PAK2: variants seen among roughly 807,000 people sequenced by gnomAD.
The protein encoded by PAK2 is serine/threonine-protein kinase PAK 2.
PAK2 carries 21 observed loss-of-function variants against 65.9 expected under a neutral mutation model. The observed-to-expected ratio is 0.32, with a 90% CI of 0.23 to 0.46. The LOEUF (loss-of-function observed/expected upper bound fraction) is 0.46. Ranked by LOEUF, PAK2 falls within the 20% of genes least tolerant of loss-of-function variation. PAK2 has a pLI of 1.00. For missense variants in PAK2, 324 were observed against 642.6 expected, an observed-to-expected ratio of 0.50 and a Z score of 5.36; for synonymous variants, 204 against 219.7, an observed-to-expected ratio of 0.93 and a Z score of 0.63.
At chr3:196,742,262 A>G (rs1713222835) in intron 1 of PAK2, among the ~76,000 whole-genome samples, 1 of 151,892 alleles carries the variant, frequency 6.6e-6, no homozygotes, top group Non-Finnish European at 1.5e-5. Context: ...CTAATTTTGT[A>G]TTTTTAGTAG....
rs981502156 is a variant in PAK2 at position 196,803,634 on chromosome 3, T to C, written c.436+470T>C. ...TGTGCAGATAATAGAATATATGTAT[T>C]TTAATATATAAAACAGATAAATCAT... is the stretch of plus-strand genomic sequence containing the variant. On this transcript the variant is annotated intron_variant, in intron 4 of 14. Transcript: ENST00000327134. 2.0e-5 allele frequency among the ~76,000 whole-genome samples: 3 copies of C among 152,232 alleles called. No homozygotes were observed. In the South Asian group the frequency reaches 6.2e-4, roughly 31 times the overall value.
At chr3:196,769,880 A>G (rs1268125688) in intron 1 of PAK2, among the ~76,000 whole-genome samples, 1 of 152,028 alleles carries the variant, frequency 6.6e-6, no homozygotes, top group African/African-American at 2.4e-5. Context: ...TGCATGTTGC[A>G]CTTTGCCCCG....
At chr3:196,811,460 C>A (rs1183731594) in intron 8 of PAK2, among the ~76,000 whole-genome samples, 10 of 126,108 alleles carry the variant, frequency 7.9e-5, no homozygotes, top group Non-Finnish European at 1.6e-4. Context: ...CAGCTCACTG[C>A]AACCTCTGCC....
chr3:196,759,495 TTTG>T lies in PAK2; in HGVS notation c.-22+19341_-22+19343del, dbSNP rs1393279072. On this transcript the variant is annotated intron_variant, in intron 1 of 14. Coordinates refer to ENST00000327134, the MANE Select transcript of PAK2 (RefSeq NM_002577.4). The stretch of plus-strand genomic sequence containing the variant: ...TAAGGTATACAGTTAAGTGGTTTTT[TTTG>T]TTTTTTTTTTTTTTTTTTTTTTTTT... Among the ~76,000 whole-genome samples, 101 of 106,890 alleles carry T rather than the reference TTTG, an allele frequency of 9.4e-4. 2 individuals carry two copies. The highest frequency in any genetic ancestry group is 4.1e-3 in the Middle Eastern group (1 of 242). 70.1% of individuals were successfully genotyped at this position (106,890 alleles called of 152,430 possible).
chr3:196,757,535 C>T (rs959312032), intron 1 of PAK2, among the ~76,000 whole-genome samples: 7 of 152,080 alleles, frequency 4.6e-5, no homozygotes, highest in Non-Finnish European at 8.8e-5. Flanking sequence ...AGACCTTATT[C>T]TGGTTTGAGG....
intron 13 of PAK2, among the ~76,000 whole-genome samples, chr3:196,824,959 A>T (rs961151916): frequency 6.6e-6 from 1 of 152,182 alleles, no homozygotes; most frequent in African/African-American, 2.4e-5. Context: ...ACAATAATAA[A>T]ACTCCACATT....
At chr3:196,787,727 CAG>C (rs1256786678) in intron 2 of PAK2, among the ~76,000 whole-genome samples, 3 of 152,176 alleles carry the variant, frequency 2.0e-5, no homozygotes, top group African/African-American at 7.2e-5. Context: ...TTTTCAGTCT[CAG>C]AGAGACAGAG....
intron 1 of PAK2, among the ~76,000 whole-genome samples, chr3:196,766,516 G>A (rs764235523): frequency 6.6e-6 from 1 of 152,088 alleles, no homozygotes; most frequent in Admixed American, 6.6e-5. Context: ...TGCATATGTC[G>A]TCTACAAAGC....
At chr3:196,766,978 T>G (rs1389563574) in intron 1 of PAK2, among the ~76,000 whole-genome samples, 1 of 100,738 alleles carries the variant, frequency 9.9e-6, no homozygotes, top group Non-Finnish European at 2.2e-5. Context: ...GTGTGTGTAT[T>G]GATACACCTT....
intron 8 of PAK2, among the ~76,000 whole-genome samples, chr3:196,811,272 TC>T (rs1715797019): frequency 7.5e-5 from 1 of 13,384 alleles, no homozygotes; most frequent in African/African-American, 2.3e-4. Context: ...TTCCTTCCCT[TC>T]CCTCCCTTCC....
At chr3:196,809,037 G>C (rs150523512) in intron 7 of PAK2, among the ~76,000 whole-genome samples, 1 of 151,266 alleles carries the variant, frequency 6.6e-6, no homozygotes, top group Non-Finnish European at 1.5e-5. Context: ...AGGAGTTCAA[G>C]GCCGAACTAT....
In PAK2 at chr3:196,827,268, G is replaced by T. The variant is rs1711909685; in HGVS notation, c.1423G>T (p.Asp475Tyr). 1 of 1,612,824 alleles carries T rather than the reference G, an allele frequency of 6.2e-7. No homozygotes were observed. The highest frequency in any genetic ancestry group is 8.5e-7 in the Non-Finnish European group (1 of 1,178,956). Residue 475 changes from aspartate (D) to tyrosine (Y), a missense_variant, in exon 14 of 15, where the codon GAT becomes TAT. Physicochemically the swap from Asp to Tyr is radical, Grantham distance 160 (BLOSUM62 -3). Transcript: ENST00000327134. ...AGAGAAACTTTCCCCAATATTTCGG[G>T]ATTTCTTAAATCGATGTTTGGAAAT... ...NPEKLSPIFR[D>Y]FLNRCLEMDV... is the part of the protein sequence containing the mutation.
chr3:196,750,814 GTTATT>G (rs1045675777), intron 1 of PAK2, among the ~76,000 whole-genome samples: 13 of 147,942 alleles, frequency 8.8e-5, no homozygotes, highest in African/African-American at 2.0e-4. Context: ...GTATGTTTCT[GTTATT>G]TTATTTAATG....
At chr3:196,781,066 G>A (rs1355177979) in intron 1 of PAK2, among the ~76,000 whole-genome samples, 3 of 152,172 alleles carry the variant, frequency 2.0e-5, no homozygotes, top group East Asian at 1.9e-4. Context: ...GAGATTACAG[G>A]CATGAGCCAT....
chr3:196,815,668 T>TC (rs1715999780), intron 11 of PAK2, among the ~76,000 whole-genome samples: 2 of 151,866 alleles, frequency 1.3e-5, no homozygotes, highest in Admixed American at 1.3e-4. Context: ...GCGCCTGTAG[T>TC]CTCAGCTACT....
chr3:196,788,095 C>G (rs1298569294), intron 2 of PAK2, among the ~76,000 whole-genome samples: 2 of 152,216 alleles, frequency 1.3e-5, no homozygotes, highest in Non-Finnish European at 2.9e-5. Flanking sequence ...GCTTCTCTCG[C>G]TAGTCTTATG....
intron 1 of PAK2, among the ~76,000 whole-genome samples, chr3:196,766,457 A>G (rs1003030699): frequency 1.1e-4 from 16 of 152,324 alleles, no homozygotes; most frequent in African/African-American, 3.8e-4. Context: ...ATTTACATTC[A>G]ATTCTGTTCC....
rs191364577 is a variant in PAK2 at position 196,780,780 on chromosome 3, T to A, written c.-21-1846T>A. ...AGATTTGGTATAAGCTTCTCAAATTTTTTTATTTTATTTTATTTTATTTTT... is the reference window on the plus strand; with the variant it reads ...AGATTTGGTATAAGCTTCTCAAATTATTTTATTTTATTTTATTTTATTTTT... On this transcript the variant is annotated intron_variant, in intron 1 of 14. Coordinates refer to ENST00000327134, the MANE Select transcript of PAK2 (RefSeq NM_002577.4). Among the ~76,000 whole-genome samples, 35 of 152,292 alleles carry A rather than the reference T, an allele frequency of 2.3e-4. No individual in the cohort carries two copies. In the East Asian group the frequency reaches 5.0e-3, roughly 22 times the overall value.
At chr3:196,761,920 G>C (rs1177505220) in intron 1 of PAK2, among the ~76,000 whole-genome samples, 1 of 144,948 alleles carries the variant, frequency 6.9e-6, no homozygotes, top group African/African-American at 2.5e-5. Flanking sequence ...GCCGGGCGGA[G>C]AGGCTCCTCA....
Sources: gnomAD v4.1 joint callset for allele counts (sites outside exome capture counted in the v4.1 genomes callset) on GRCh38, gnomAD v4.1.1 for gene constraint, MANE v1.5 for transcripts, NCBI Gene and HGNC (gene_info 2026-07-23, HGNC 2026-07-21) for gene names.